The following AKR1C3 variants were observed in gnomAD, a reference collection of about 807,000 sequenced individuals.
AKR1C3 encodes 3-alpha hydroxysteroid dehydrogenase, type II.
A neutral mutation model predicts 43.6 loss-of-function variants in AKR1C3; 48 were observed. That is an observed-to-expected ratio of 1.10 (90% CI 0.87 to 1.40). The LOEUF (loss-of-function observed/expected upper bound fraction) is 1.40, where lower values mean the gene tolerates loss of function less well. AKR1C3 is among the 40% of genes most tolerant of loss of function. The pLI, the probability that AKR1C3 is intolerant of heterozygous loss-of-function variation, is 0.00. For missense variants in AKR1C3, 482 were observed against 391.2 expected (o/e 1.23, Z -1.96); for synonymous variants, 162 against 139.6 (o/e 1.16, Z -1.13).
At chr10:5,097,677 G>C (rs1438870685) in intron 3 of AKR1C3, 127 bp downstream of exon 3, 1 of 1,556,744 alleles carries the variant, frequency 6.4e-7, no homozygotes, top group Non-Finnish European at 8.7e-7. Flanking sequence ...AGAACCGTAA[G>C]TGGAACACCT....
chr10:5,090,134 G>A (rs1405632935), upstream of AKR1C3, among the ~76,000 whole-genome samples: 1 of 152,104 alleles, frequency 6.6e-6, no homozygotes, highest in African/African-American at 2.4e-5. Flanking sequence ...GAGGCTTTCT[G>A]TTGTTTCAAG....
intron 3 of AKR1C3, 123 bp from the exon 4 acceptor site, chr10:5,098,678 CA>C (rs1839273537): frequency 4.0e-6 from 3 of 743,780 alleles, no homozygotes; most frequent in Non-Finnish European, 7.0e-6. Context: ...TAGCACATAT[CA>C]CTTTCTGGAG....
At chr10:5,066,795 C>A (rs782792453) in intron 1 of AKR1C3, among the ~76,000 whole-genome samples, 1 of 152,218 alleles carries the variant, frequency 6.6e-6, no homozygotes, top group Non-Finnish European at 1.5e-5. Context: ...AGCATAGATA[C>A]TTTTCTGTTC....
rs145380858 is a variant in AKR1C3, at chr10:5,074,559, T to C, written c.85-21851T>C. ...GTCTGAAGAAAACATTTTCCATCTC[T>C]TCTCTTAAGTGCTGCTATCTGTGAG... On this transcript the variant is annotated intron_variant, in intron 1 of 8. Coordinates refer to the AKR1C3 transcript ENST00000439082. Among the ~76,000 whole-genome samples, 918 of 152,306 alleles carry C rather than the reference T, an allele frequency of 6.0e-3. 8 individuals carry two copies. Among genetic ancestry groups the C allele is most frequent in the African/African-American group, 0.021 (888 of 41,560 alleles).
chr10:5,106,753 CAAAAAAAAAA>C (rs782740812), intron 8 of AKR1C3, among the ~76,000 whole-genome samples: 4 of 136,122 alleles, frequency 2.9e-5, no homozygotes, highest in Admixed American at 1.5e-4. Context: ...GGCTCCATCT[CAAAAAAAAAA>C]AGCAGGAAGT....
intron 1 of AKR1C3, among the ~76,000 whole-genome samples, chr10:5,088,614 C>G (rs1554783609): frequency 6.6e-6 from 1 of 150,966 alleles, no homozygotes; most frequent in Non-Finnish European, 1.5e-5. Flanking sequence ...GTATAAAAGT[C>G]TGTTTTATCT....
At chr10:5,079,021 A>G (rs1218905985) in intron 1 of AKR1C3, among the ~76,000 whole-genome samples, 1 of 152,182 alleles carries the variant, frequency 6.6e-6, no homozygotes, top group African/African-American at 2.4e-5. Context: ...ACTTACCATG[A>G]CTAGAGGACT....
At position 5,057,664 on chromosome 10, in the gene AKR1C3, A is replaced by T. The variant is rs376984291; in HGVS notation, c.84+8769A>T. 5.3e-5 allele frequency among the ~76,000 whole-genome samples: 8 copies of T among 152,322 alleles called. No individual in the cohort carries two copies. The East Asian group carries it at 1.2e-3, about 22-fold the overall frequency. On this transcript the variant is annotated intron_variant, in intron 1 of 8. Transcript: ENST00000439082. ...ATTCTCCTTAGTCCTTCTAGAACAC[A>T]GGTCAACAGATGTTTACGACTCCAG...
At chr10:5,076,734 T>C (rs182739951) in intron 1 of AKR1C3, among the ~76,000 whole-genome samples, 3 of 152,294 alleles carry the variant, frequency 2.0e-5, no homozygotes, top group Non-Finnish European at 2.9e-5. Context: ...CTATAAGACA[T>C]ATCGTAAAAC....
At position 5,086,359 on chromosome 10, in the gene AKR1C3, G is replaced by A. The variant is rs1370936788; in HGVS notation, c.85-10051G>A. On this transcript the variant is annotated intron_variant, in intron 1 of 8. Transcript: ENST00000439082. ...CCCAGTAGTCATTCAGGAGCAGGTTGTTCAGTTTCCATGTAGTTGAGCAGT... is the reference window on the plus strand; with the variant it reads ...CCCAGTAGTCATTCAGGAGCAGGTTATTCAGTTTCCATGTAGTTGAGCAGT... Among the ~76,000 whole-genome samples, 200 of 151,626 alleles carry A rather than the reference G, an allele frequency of 1.3e-3. 6 individuals are homozygous for A. Among genetic ancestry groups the A allele is most frequent in the African/African-American group, 4.7e-3 (192 of 41,048 alleles).
At chr10:5,096,648 CTGGA>C in intron 2 of AKR1C3, 71 bp downstream of exon 2, 1 of 1,511,236 alleles carries the variant, frequency 6.6e-7, no homozygotes, top group Non-Finnish European at 8.9e-7. Context: ...AATTCTATGA[CTGGA>C]TGAGTAGTTG....
intron 7 of AKR1C3, among the ~76,000 whole-genome samples, chr10:5,103,582 G>A (rs1839413647): frequency 6.6e-6 from 1 of 152,166 alleles, no homozygotes; most frequent in Admixed American, 6.5e-5. Flanking sequence ...GCTTCAAGAT[G>A]TCAATGGGAC....
chr10:5,072,698 C>G (rs554922858), intron 1 of AKR1C3, among the ~76,000 whole-genome samples: 1 of 152,248 alleles, frequency 6.6e-6, no homozygotes, highest in African/African-American at 2.4e-5. Flanking sequence ...AGGTGACTGT[C>G]TAGCACAGAA....
chr10:5,088,367 GTT>G (rs1250644567), intron 1 of AKR1C3, among the ~76,000 whole-genome samples: 2 of 147,312 alleles, frequency 1.4e-5, no homozygotes, highest in Non-Finnish European at 3.0e-5. Context: ...AGTCCAGAGA[GTT>G]TTTTTTTTGG....
Position 5,098,716 on chromosome 10 carries a change from T to G in AKR1C3, c.370-86T>G, listed in dbSNP as rs187919042. The G allele has an allele frequency of 3.1e-4, 316 of 1,011,694 alleles. 1 individual carries two copies. Among genetic ancestry groups the G allele is most frequent in the Admixed American group, 5.4e-4 (28 of 51,688 alleles). The allele number at this position is 1,011,694 out of a possible 1,614,324, so 62.7% of individuals were successfully genotyped here. ...ATTGTACCACCTGTCTCATGGAGGA[T>G]TAGTGTCCTTAAAGGTACCTGGGGT... On this transcript the variant is annotated intron_variant, in intron 3 of 8. Coordinates refer to ENST00000380554, the MANE Select transcript of AKR1C3 (RefSeq NM_003739.6).
chr10:5,099,648 G>C, intron 5 of AKR1C3, 199 bp downstream of exon 5: 2 of 915,688 alleles, frequency 2.2e-6, no homozygotes, highest in Non-Finnish European at 3.2e-6. Flanking sequence ...ATTGGAATGA[G>C]TTTAATGCTG....
At chr10:5,101,348 G>A (rs1426807901) in intron 5 of AKR1C3, among the ~76,000 whole-genome samples, 1 of 151,890 alleles carries the variant, frequency 6.6e-6, no homozygotes, top group African/African-American at 2.4e-5. Flanking sequence ...ATTTTTTGGA[G>A]TTTTTAGATA....
intron 3 of AKR1C3, chr10:5,098,191 A>G: frequency 1.0e-6 from 1 of 984,490 alleles, no homozygotes; most frequent in South Asian, 4.7e-5. Flanking sequence ...ACATGGCTAC[A>G]TTTAAGGATA....
At chr10:5,083,548 G>T (rs1335546077) in intron 1 of AKR1C3, among the ~76,000 whole-genome samples, 1 of 152,166 alleles carries the variant, frequency 6.6e-6, no homozygotes, top group Non-Finnish European at 1.5e-5. Flanking sequence ...ACGTGTGCAT[G>T]TGTCTTTATA....
Sources: allele counts gnomAD v4.1 joint callset (sites outside exome capture counted in the v4.1 genomes callset), GRCh38; gene constraint gnomAD v4.1.1; transcripts MANE v1.5; gene names NCBI Gene and HGNC (gene_info 2026-07-23, HGNC 2026-07-21).